PPP2R2B: variants seen among roughly 807,000 people sequenced by gnomAD.
PPP2R2B encodes protein phosphatase 2 regulatory subunit Bbeta.
PPP2R2B carries 5 observed loss-of-function variants against 46.0 expected under a neutral mutation model. That is an observed-to-expected ratio of 0.11 (90% CI 0.06 to 0.23). The LOEUF (loss-of-function observed/expected upper bound fraction) is 0.23, where lower values mean the gene tolerates loss of function less well. PPP2R2B is among the 10% of genes least tolerant of loss of function. The pLI is 1.00. For synonymous variants in PPP2R2B, 215 were observed against 206.7 expected (o/e 1.04, Z -0.34); for missense variants, 367 against 575.0 (o/e 0.64, Z 3.70).
chr5:147,051,555 A>T (rs922476240), intron 1 of PPP2R2B, among the ~76,000 whole-genome samples: 2 of 152,098 alleles, frequency 1.3e-5, no homozygotes, highest in African/African-American at 2.4e-5. Context: ...TGGAAATGAG[A>T]TAAAGACAAT....
intron 2 of PPP2R2B, among the ~76,000 whole-genome samples, chr5:146,712,552 G>A (rs917409146): frequency 2.6e-5 from 4 of 152,134 alleles, no homozygotes; most frequent in Admixed American, 6.6e-5. Flanking sequence ...TCATGTAGCA[G>A]TTTAGATAAC....
At chr5:146,659,329 A>T (rs1776540601) in intron 5 of PPP2R2B, among the ~76,000 whole-genome samples, 1 of 152,246 alleles carries the variant, frequency 6.6e-6, no homozygotes, top group African/African-American at 2.4e-5. Flanking sequence ...TAAAAAGCTC[A>T]GGAAAGTACA....
chr5:146,941,132 C>T (rs1033144648), intron 1 of PPP2R2B, among the ~76,000 whole-genome samples: 1 of 152,146 alleles, frequency 6.6e-6, no homozygotes, highest in Non-Finnish European at 1.5e-5. Flanking sequence ...TATGAGGCTA[C>T]ATGAAATGCA....
intron 2 of PPP2R2B, among the ~76,000 whole-genome samples, chr5:146,850,480 T>C (rs900238654): frequency 6.6e-6 from 1 of 152,204 alleles, no homozygotes; most frequent in Admixed American, 6.6e-5. Context: ...ATGTCCATCC[T>C]GTGGGAACTT....
At chr5:146,949,848 G>A (rs1764597004) in intron 1 of PPP2R2B, among the ~76,000 whole-genome samples, 1 of 152,034 alleles carries the variant, frequency 6.6e-6, no homozygotes, top group Admixed American at 6.6e-5. Context: ...ATGAAATTCT[G>A]TCATTTGCAA....
intron 1 of PPP2R2B, among the ~76,000 whole-genome samples, chr5:147,010,948 T>C (rs899019657): frequency 4.6e-5 from 7 of 152,144 alleles, no homozygotes; most frequent in Non-Finnish European, 1.0e-4. Flanking sequence ...GCCGGGGTTA[T>C]CCTTCAGAAA....
chr5:146,856,567 G>A, intron 2 of PPP2R2B: 2 of 1,612,534 alleles, frequency 1.2e-6, no homozygotes, highest in Non-Finnish European at 1.7e-6. Context: ...TCTCTGTCTT[G>A]GGTTCTCCCT....
At chr5:146,815,006 ACATACTTTGGTGCCACGTGACT>A (rs1298809663) in intron 2 of PPP2R2B, among the ~76,000 whole-genome samples, 10 of 152,286 alleles carry the variant, frequency 6.6e-5, no homozygotes, top group Admixed American at 1.3e-4. Flanking sequence ...GCCTCTGGTA[ACATACTTTGGTGCCACGTGACT>A]CAGATACGTT....
rs567091883 is a variant in PPP2R2B, at chr5:146,731,157, G to A, written c.71-30015C>T. Among the ~76,000 whole-genome samples, 27 of 152,294 alleles carry A rather than the reference G, an allele frequency of 1.8e-4. No individual in the cohort carries two copies. The Middle Eastern group carries it at 0.01, about 58-fold the overall frequency. ...TTGTTATTCTTCTCATAAATAAAAT[G>A]TTGTATGTGTGACAAAGACATCCCT... On this transcript the variant is annotated intron_variant, in intron 2 of 9. Transcript: ENST00000394411.
intron 2 of PPP2R2B, among the ~76,000 whole-genome samples, chr5:146,785,652 A>G (rs1755786547): frequency 6.6e-6 from 1 of 152,254 alleles, no homozygotes; most frequent in South Asian, 2.1e-4. Context: ...CAAGCAACGG[A>G]ACTAAAATAA....
At chr5:146,693,221 T>C (rs1778980938) in intron 4 of PPP2R2B, among the ~76,000 whole-genome samples, 1 of 151,748 alleles carries the variant, frequency 6.6e-6, no homozygotes, top group Non-Finnish European at 1.5e-5. Context: ...TCTCTTCTTC[T>C]TTTTTTAAAT....
At chr5:147,023,929 G>A (rs768028003) in intron 1 of PPP2R2B, among the ~76,000 whole-genome samples, 2 of 152,020 alleles carry the variant, frequency 1.3e-5, no homozygotes, top group African/African-American at 2.4e-5. Context: ...AGGTTCTTGC[G>A]TCTTCATCTG....
chr5:146,584,379 G>T lies in PPP2R2B; in HGVS notation c.*5568C>A, dbSNP rs971978810. 1 of 152,226 alleles carries T rather than the reference G, an allele frequency of 6.6e-6. No homozygotes were observed. Among genetic ancestry groups the T allele is most frequent in the Non-Finnish European group, 1.5e-5 (1 of 68,038 alleles). 9.4% of individuals were successfully genotyped at this position (152,226 alleles called of 1,614,324 possible). On this transcript the variant is annotated 3_prime_UTR_variant, in exon 10 of 10. Coordinates refer to ENST00000394411, the MANE Select transcript of PPP2R2B (RefSeq NM_181675.4). The stretch of plus-strand genomic sequence containing the variant: ...TCTGCTTTGATGACAGACCAAATTT[G>T]TATTCTTGGTCAGCTGTCAGGCAAT...
chr5:146,632,507 GA>G (rs1774509145), intron 7 of PPP2R2B, among the ~76,000 whole-genome samples: 3 of 152,294 alleles, frequency 2.0e-5, no homozygotes, highest in Admixed American at 2.0e-4. Context: ...GATGTTCTAT[GA>G]AGCCCCACCA....
intron 1 of PPP2R2B, among the ~76,000 whole-genome samples, chr5:146,995,801 G>A (rs1401777355): frequency 2.0e-5 from 3 of 152,166 alleles, no homozygotes; most frequent in African/African-American, 7.2e-5. Context: ...AACACAAGGT[G>A]GGCAGGCACA....
At chr5:146,737,500 G>A (rs1752608700) in intron 2 of PPP2R2B, among the ~76,000 whole-genome samples, 1 of 152,120 alleles carries the variant, frequency 6.6e-6, no homozygotes, top group African/African-American at 2.4e-5. Flanking sequence ...AAATATCTAT[G>A]GAATCAATGG....
chr5:146,615,637 C>G (rs2151043129), intron 7 of PPP2R2B, among the ~76,000 whole-genome samples: 1 of 151,030 alleles, frequency 6.6e-6, no homozygotes, highest in Middle Eastern at 3.4e-3. Flanking sequence ...AAATTAAACC[C>G]ATTTACAACA....
At chr5:146,733,936 GGTGGTAGTAATAGTA>G (rs534749366) in intron 2 of PPP2R2B, among the ~76,000 whole-genome samples, 9 of 152,288 alleles carry the variant, frequency 5.9e-5, no homozygotes, top group African/African-American at 1.7e-4. Context: ...TAGCAGTGGT[GGTGGTAGTAATAGTA>G]GTGGTAGTAA....
At chr5:146,906,021 G>A (rs1762984028) in intron 1 of PPP2R2B, among the ~76,000 whole-genome samples, 6 of 152,022 alleles carry the variant, frequency 3.9e-5, no homozygotes, top group Admixed American at 2.6e-4. Flanking sequence ...CTTGTAAGCA[G>A]GATTGAAACA....
Sources: allele counts gnomAD v4.1 joint callset (sites outside exome capture counted in the v4.1 genomes callset), GRCh38; gene constraint gnomAD v4.1.1; transcripts MANE v1.5; gene names NCBI Gene and HGNC (gene_info 2026-07-23, HGNC 2026-07-21).